C8orf33: variants seen among roughly 807,000 people sequenced by gnomAD.
C8orf33 encodes UPF0488 protein C8orf33.
Under a neutral mutation model 25.7 loss-of-function variants are expected in C8orf33, and 28 were observed. The observed-to-expected ratio is 1.09, with a 90% CI of 0.81 to 1.49. The LOEUF is 1.49. Among genes scored for constraint, C8orf33 ranks in the 40% most tolerant of loss-of-function variants. C8orf33 has a pLI of 0.00. For synonymous variants in C8orf33, 153 were observed against 115.9 expected, an observed-to-expected ratio of 1.32 and a Z score of -2.06; for missense variants, 369 against 294.4, an observed-to-expected ratio of 1.25 and a Z score of -1.85.
intron 4 of C8orf33, chr8:145,053,645 C>A (rs938252050): frequency 3.2e-6 from 2 of 625,670 alleles, no homozygotes; most frequent in Non-Finnish European, 5.5e-6. Context: ...GCGGGGAGGC[C>A]CTGGGAGGAG....
chr8:145,052,744 C>T lies in C8orf33; in HGVS notation c.165C>T (p.Ser55=), dbSNP rs1835294860. ...PEQPTCSNAD[S]RAHPLGDEGG... The stretch of plus-strand genomic sequence containing the variant: ...AACCTACGTGCAGTAACGCTGACTC[C>T]AGAGCGCACCCGTTGGGCGATGAAG... Residue 55 remains serine, a synonymous_variant, in exon 2 of 5, where the codon TCC becomes TCT. Coordinates refer to ENST00000331434, the MANE Select transcript of C8orf33 (RefSeq NM_023080.3). 1.2e-6 allele frequency: 2 copies of T among 1,614,132 alleles called. No individual in the cohort carries two copies. The highest frequency in any genetic ancestry group is 1.7e-6 in the Non-Finnish European group (2 of 1,180,018).
At position 145,052,482 on chromosome 8, in the gene C8orf33, A is replaced by G. The variant is rs1835287086; in HGVS notation, c.-10A>G. On this transcript the variant is annotated 5_prime_UTR_variant, in exon 1 of 5. Transcript: ENST00000331434. ...TGCGCCCCGCGTAGTTCCGGTGGCG[A>G]CTGCGGCGCATGGCGGTGAGCGGTG... 1 of 1,598,120 alleles carries G rather than the reference A, an allele frequency of 6.3e-7. No homozygotes were observed. The highest frequency in any genetic ancestry group is 8.5e-7 in the Non-Finnish European group (1 of 1,179,214).
chr8:145,052,717 G>C lies in C8orf33; in HGVS notation c.138G>C (p.Glu46Asp), dbSNP rs1030776906. The C allele has an allele frequency of 2.5e-6, 4 of 1,614,180 alleles. No homozygotes were observed. Among genetic ancestry groups the C allele is most frequent in the Middle Eastern group, 3.3e-4 (2 of 6,062 alleles). Residue 46 changes from glutamate to aspartate, a missense_variant, in exon 2 of 5, where the codon GAG (glutamate) becomes GAC (aspartate). Coordinates refer to ENST00000331434, the MANE Select transcript of C8orf33 (RefSeq NM_023080.3). ...CTTCCACTGTCTGTCTCTGCCCAGA[G>C]CAACCTACGTGCAGTAACGCTGACT... The part of the protein sequence containing the change: ...RNPSTVCLCP[E>D]QPTCSNADSR...
In C8orf33 at chr8:145,055,583, A is replaced by T. The variant is rs1384622522; in HGVS notation, c.*1426A>T. ...CCCTTTCCCCGGGGGAGTTTAGAGA[A>T]GACTACTCCTCCACCTCTTGTGGAG... is the stretch of plus-strand genomic sequence containing the variant. On this transcript the variant is annotated 3_prime_UTR_variant, in exon 5 of 5. Coordinates refer to ENST00000331434, the MANE Select transcript of C8orf33 (RefSeq NM_023080.3). 6.3e-6 allele frequency: 1 copy of T among 159,612 alleles called. No homozygotes were observed. The highest frequency in any genetic ancestry group is 1.3e-5 in the Non-Finnish European group (1 of 74,076). 9.9% of individuals were successfully genotyped at this position (159,612 alleles called of 1,614,324 possible). A position where few individuals can be genotyped will look rare whatever the true frequency, so the allele number is the denominator to read the frequency against.
In C8orf33 at chr8:145,055,899, T is replaced by C. The variant is rs111609333; in HGVS notation, c.*1742T>C. The stretch of plus-strand genomic sequence containing the variant: ...ATGTGACCTTACCTATTATTGGAGA[T>C]GGTTCACATTCCTTACCCTGCCCCT... On this transcript the variant is annotated 3_prime_UTR_variant, in exon 5 of 5. Transcript: ENST00000331434. The C allele has an allele frequency of 0.035, 6,096 of 175,346 alleles. 368 individuals are homozygous for C. The highest frequency in any genetic ancestry group is 0.14 in the African/African-American group (5,797 of 41,820). The allele number at this position is 175,346 out of a possible 1,614,324, so 10.9% of individuals were successfully genotyped here. A position where few individuals can be genotyped will look rare whatever the true frequency, so the allele number is the denominator to read the frequency against.
Position 145,055,147 on chromosome 8 carries a change from G to C in C8orf33, c.*990G>C, listed in dbSNP as rs1835339902. On this transcript the variant is annotated 3_prime_UTR_variant, in exon 5 of 5. Coordinates refer to ENST00000331434, the MANE Select transcript of C8orf33 (RefSeq NM_023080.3). ...CCTATGTGGGTGGCAAGCCACCCAG[G>C]TGCCGAGGAAAGAGACTGAGGGCAC... The C allele has an allele frequency of 1.3e-5, 2 of 152,128 alleles. No homozygotes were observed. Among genetic ancestry groups the C allele is most frequent in the East Asian group, 3.9e-4 (2 of 5,194 alleles). The allele number at this position is 152,128 out of a possible 1,614,324, so 9.4% of individuals were successfully genotyped here.
In C8orf33 at chr8:145,055,911, CT is replaced by C; in HGVS notation, c.*1756del. 1 of 184,926 alleles carries C rather than the reference CT, an allele frequency of 5.4e-6. No individual in the cohort carries two copies. The highest frequency in any genetic ancestry group is 1.2e-4 in the South Asian group (1 of 8,608). The allele number at this position is 184,926 out of a possible 1,614,324, so 11.5% of individuals were successfully genotyped here. On this transcript the variant is annotated 3_prime_UTR_variant, in exon 5 of 5. Coordinates refer to ENST00000331434, the MANE Select transcript of C8orf33 (RefSeq NM_023080.3). ...CTATTATTGGAGATGGTTCACATTC[CT>C]TACCCTGCCCCTTTGTCTTATATCC...
At position 145,054,096 on chromosome 8, in the gene C8orf33, T is replaced by C; in HGVS notation, c.629T>C (p.Ile210Thr). The change falls in exon 5 of 5, where the codon ATA (isoleucine) becomes ACA (threonine). Residue 210 changes from isoleucine to threonine, a missense_variant. Coordinates refer to ENST00000331434, the MANE Select transcript of C8orf33 (RefSeq NM_023080.3). ...CAAAGGGTCTGCAGGCCTCGCTCTATATGGAGAGCCAAAGCCACTCTGGAC... is the reference window on the plus strand; with the variant it reads ...CAAAGGGTCTGCAGGCCTCGCTCTACATGGAGAGCCAAAGCCACTCTGGAC... ...KSQRVCRPRS[I>T]WRAKATLDMP... The C allele has an allele frequency of 3.1e-6, 5 of 1,614,172 alleles. No homozygotes were observed. The highest frequency in any genetic ancestry group is 4.2e-6 in the Non-Finnish European group (5 of 1,180,000).
chr8:145,052,696 C>T lies in C8orf33; in HGVS notation c.117C>T (p.Ser39=), dbSNP rs1441660146. 8 of 1,614,136 alleles carry T rather than the reference C, an allele frequency of 5.0e-6. No individual in the cohort carries two copies. The highest frequency in any genetic ancestry group is 1.1e-5 in the South Asian group (1 of 91,092). The change falls in exon 2 of 5, where the codon TCC becomes TCT. Residue 39 remains serine, a synonymous_variant. Transcript: ENST00000331434. ...PGPVSSARNP[S]TVCLCPEQPT... ...CAGTTTCCAGCGCCCGGAATCCTTC[C>T]ACTGTCTGTCTCTGCCCAGAGCAAC...
At chr8:145,053,224 T>C in intron 3 of C8orf33, 73 bp from the exon 4 acceptor site, 1 of 1,612,208 alleles carries the variant, frequency 6.2e-7, no homozygotes, top group Non-Finnish European at 8.5e-7. Flanking sequence ...GAGTATGGAG[T>C]TGTTGGCTTT....
At position 145,053,070 on chromosome 8, in the gene C8orf33, G is replaced by C; in HGVS notation, c.327G>C (p.Gln109His). Residue 109 changes from glutamine to histidine, a missense_variant, in exon 3 of 5, where the codon CAG becomes CAC. Transcript: ENST00000331434. ...CCCCAAATCCATCACAGGCACAACA[G>C]TTGGCCCAGGAATTGGCTTGGTGTG... ...VPLSAEAQAQ[Q>H]LAQELAWCVE... 6.2e-7 allele frequency: 1 copy of C among 1,614,188 alleles called. No individual in the cohort carries two copies. Among genetic ancestry groups the C allele is most frequent in the Non-Finnish European group, 8.5e-7 (1 of 1,180,030 alleles).
chr8:145,053,176 T>C, intron 3 of C8orf33, 30 bp downstream of exon 3: 2 of 1,613,934 alleles, frequency 1.2e-6, no homozygotes, highest in East Asian at 2.2e-5. Context: ...AGCTGGGGGA[T>C]GTGAACAGTG....
In C8orf33 at chr8:145,055,145, AG is replaced by A. The variant is rs1229234768; in HGVS notation, c.*990del. ...TGCCTATGTGGGTGGCAAGCCACCC[AG>A]GTGCCGAGGAAAGAGACTGAGGGCA... is the stretch of plus-strand genomic sequence containing the variant. On this transcript the variant is annotated 3_prime_UTR_variant, in exon 5 of 5. Transcript: ENST00000331434. 1.3e-5 allele frequency: 2 copies of A among 152,200 alleles called. No individual in the cohort carries two copies. The highest frequency in any genetic ancestry group is 1.5e-5 in the Non-Finnish European group (1 of 68,042). The allele number at this position is 152,200 out of a possible 1,614,324, so 9.4% of individuals were successfully genotyped here. A position where few individuals can be genotyped will look rare whatever the true frequency, so the allele number is the denominator to read the frequency against.
rs1191593715 is a variant in C8orf33 at position 145,052,504 on chromosome 8, G to A, written c.6+7G>A. 4 of 1,599,574 alleles carry A rather than the reference G, an allele frequency of 2.5e-6. No individual in the cohort carries two copies. The highest frequency in any genetic ancestry group is 1.3e-5 in the African/African-American group (1 of 74,948). On this transcript the variant is annotated splice_region_variant and intron_variant, in intron 1 of 4. Transcript: ENST00000331434. ...GCGACTGCGGCGCATGGCGGTGAGC[G>A]GTGTGGAGAAGACGCGCGGGTGGCT...
rs762943433 is a variant in C8orf33, at chr8:145,053,109, G to C, written c.366G>C (p.Glu122Asp). 1 of 1,614,210 alleles carries C rather than the reference G, an allele frequency of 6.2e-7. No homozygotes were observed. Among genetic ancestry groups the C allele is most frequent in the Non-Finnish European group, 8.5e-7 (1 of 1,180,032 alleles). Reference sequence around the variant, plus strand: ...TGGCTTGGTGTGTGGAGCAACTGGAGCTGGGCCTCAAGAGGCAGAAACCCA... The same window carrying C: ...TGGCTTGGTGTGTGGAGCAACTGGACCTGGGCCTCAAGAGGCAGAAACCCA... ...QELAWCVEQL[E>D]LGLKRQKPTP... The change falls in exon 3 of 5, where the codon GAG becomes GAC. Residue 122 changes from glutamate to aspartate, a missense_variant. Glu to Asp is a conservative substitution (Grantham distance 45). Transcript: ENST00000331434.
At chr8:145,053,242 G>A in intron 3 of C8orf33, 55 bp from the exon 4 acceptor site, 1 of 1,612,894 alleles carries the variant, frequency 6.2e-7, no homozygotes, top group Non-Finnish European at 8.5e-7. Flanking sequence ...TTTGCGGCGG[G>A]GTGGTAGGAG....
intron 1 of C8orf33, 36 bp downstream of exon 1, chr8:145,052,533 C>A (rs773320342): frequency 6.2e-7 from 1 of 1,600,716 alleles, no homozygotes; most frequent in South Asian, 1.1e-5. Flanking sequence ...GGTGGCTGGG[C>A]CTTGCATTGT....
Position 145,055,568 on chromosome 8 carries a change from G to A in C8orf33, c.*1411G>A, listed in dbSNP as rs930045651. On this transcript the variant is annotated 3_prime_UTR_variant, in exon 5 of 5. Transcript: ENST00000331434. The stretch of plus-strand genomic sequence containing the variant: ...TGGGAAAAGGAGCCTCCCTTTCCCC[G>A]GGGGAGTTTAGAGAAGACTACTCCT... The A allele has an allele frequency of 2.4e-5, 4 of 164,368 alleles. No individual in the cohort carries two copies. The East Asian group carries it at 5.3e-4, about 22-fold the overall frequency. 10.2% of individuals were successfully genotyped at this position (164,368 alleles called of 1,614,324 possible).
intron 4 of C8orf33, 25 bp downstream of exon 4, chr8:145,053,468 T>G: frequency 1.2e-6 from 2 of 1,612,346 alleles, no homozygotes; most frequent in Non-Finnish European, 1.7e-6. Flanking sequence ...ACTGGTTGAT[T>G]CAGGAAGGCC....
Sources: allele counts gnomAD v4.1 joint callset, GRCh38; gene constraint gnomAD v4.1.1; transcripts MANE v1.5; gene names NCBI Gene and HGNC (gene_info 2026-07-23, HGNC 2026-07-21).